The following ENAH variants were observed in gnomAD, a reference collection of about 807,000 sequenced individuals.
The protein encoded by ENAH is protein enabled homolog.
A neutral mutation model predicts 78.7 loss-of-function variants in ENAH; 23 were observed. That is an observed-to-expected ratio of 0.29 (90% CI 0.21 to 0.41). The LOEUF is 0.41. Ranked by LOEUF, ENAH falls within the 10% of genes least tolerant of loss-of-function variation. The probability of loss-of-function intolerance (pLI) is 1.00; values close to 1 mark genes in which losing one functional copy is unlikely to be tolerated. For synonymous variants in ENAH, 226 were observed against 241.0 expected (o/e 0.94, Z 0.58); for missense variants, 544 against 691.0 (o/e 0.79, Z 2.39).
intron 2 of ENAH, among the ~76,000 whole-genome samples, chr1:225,558,208 A>C (rs1182130191): frequency 2.6e-5 from 4 of 152,200 alleles, no homozygotes; most frequent in Non-Finnish European, 5.9e-5. Context: ...ATACCAAAGT[A>C]ATGCTGGACT....
intron 1 of ENAH, among the ~76,000 whole-genome samples, chr1:225,622,345 T>C (rs969034306): frequency 7.2e-5 from 11 of 152,156 alleles, no homozygotes; most frequent in African/African-American, 2.7e-4. Flanking sequence ...TCCAGCACTT[T>C]GGGAGGCTGA....
chr1:225,529,715 G>A (rs957082894), intron 4 of ENAH, among the ~76,000 whole-genome samples: 2 of 152,148 alleles, frequency 1.3e-5, no homozygotes, highest in Non-Finnish European at 2.9e-5. Flanking sequence ...TACTGAAGAC[G>A]GTCAAAGCAG....
At chr1:225,535,929 G>A (rs932751395) in intron 3 of ENAH, among the ~76,000 whole-genome samples, 2 of 152,058 alleles carry the variant, frequency 1.3e-5, no homozygotes, top group African/African-American at 4.8e-5. Context: ...GTGGCTATTA[G>A]TGTTAATTTC....
intron 1 of ENAH, among the ~76,000 whole-genome samples, chr1:225,591,110 ATT>A (rs941013982): frequency 6.6e-6 from 1 of 152,230 alleles, no homozygotes; most frequent in African/African-American, 2.4e-5. Flanking sequence ...TGCTAAGCAT[ATT>A]TTGTGTTATC....
At chr1:225,614,498 T>C (rs1345201063) in intron 1 of ENAH, among the ~76,000 whole-genome samples, 1 of 152,242 alleles carries the variant, frequency 6.6e-6, no homozygotes, top group African/African-American at 2.4e-5. Context: ...GGATGTGTTC[T>C]TGCTCATCCA....
intron 4 of ENAH, among the ~76,000 whole-genome samples, chr1:225,526,980 G>T (rs1315068922): frequency 1.3e-5 from 2 of 152,152 alleles, no homozygotes; most frequent in African/African-American, 4.8e-5. Context: ...AAGGACGAGT[G>T]TCAACATCTC....
rs150322012 is a variant in ENAH at position 225,635,500 on chromosome 1, G to A, written c.5+17186C>T. Among the ~76,000 whole-genome samples the A allele has an allele frequency of 3.4e-3, 516 of 152,218 alleles. 2 individuals carry two copies. Among genetic ancestry groups the A allele is most frequent in the Non-Finnish European group, 5.5e-3 (375 of 68,004 alleles). On this transcript the variant is annotated intron_variant, in intron 1 of 13. Coordinates refer to ENST00000366843, the MANE Select transcript of ENAH (RefSeq NM_018212.6). ...CTTTGCATATATTTATTTTTATTGT[G>A]TACATGCATGTCTCCCTCTGTATCT...
At chr1:225,588,850 A>G (rs1168567113) in intron 1 of ENAH, among the ~76,000 whole-genome samples, 2 of 151,754 alleles carry the variant, frequency 1.3e-5, no homozygotes, top group African/African-American at 2.4e-5. Flanking sequence ...AGTTTCTTAC[A>G]GAATTAAACA....
chr1:225,646,952 G>C (rs115367876), intron 1 of ENAH, among the ~76,000 whole-genome samples: 6,468 of 151,878 alleles, frequency 0.043, 217 homozygotes, highest in South Asian at 0.1. Flanking sequence ...CAGGGCTGGG[G>C]GCGGTGACTC....
Position 225,540,696 on chromosome 1 carries a change from TAA to T in ENAH, c.350-10060_350-10059del, listed in dbSNP as rs34233856. Reference sequence around the variant, plus strand: ...TTTACCAAGTTTTAAAACGTTTATTTAAAAAAAAAAAAAAAACTAAAGAATCT... The same window carrying T: ...TTTACCAAGTTTTAAAACGTTTATTTAAAAAAAAAAAAAACTAAAGAATCT... On this transcript the variant is annotated intron_variant, in intron 3 of 13. Transcript: ENST00000366843. Among the ~76,000 whole-genome samples the T allele has an allele frequency of 1.0e-3, 142 of 139,658 alleles. 1 individual carries two copies. The highest frequency in any genetic ancestry group is 3.6e-3 in the African/African-American group (136 of 37,906). The allele number at this position is 139,658 out of a possible 152,430, so 91.6% of individuals were successfully genotyped here.
chr1:225,492,080 A>C lies in ENAH; in HGVS notation c.*5695T>G, dbSNP rs976756836. 4.4e-5 allele frequency: 5 copies of C among 113,014 alleles called. No individual in the cohort carries two copies. The highest frequency in any genetic ancestry group is 1.7e-4 in the African/African-American group (5 of 29,856). 7.0% of individuals were successfully genotyped at this position (113,014 alleles called of 1,614,324 possible). On this transcript the variant is annotated 3_prime_UTR_variant, in exon 14 of 14. Transcript: ENST00000366843. ...TTTCTATGAAAAGCTATATTCTCTT[A>C]GAATTTTTTTTTTTTTTTTTTAGAG...
intron 1 of ENAH, among the ~76,000 whole-genome samples, chr1:225,586,396 C>A (rs2096847123): frequency 6.6e-6 from 1 of 151,988 alleles, no homozygotes; most frequent in Non-Finnish European, 1.5e-5. Flanking sequence ...CATGGTTTCA[C>A]TAGTGAATTG....
intron 1 of ENAH, among the ~76,000 whole-genome samples, chr1:225,597,386 A>G (rs1290345836): frequency 6.6e-6 from 1 of 152,196 alleles, no homozygotes; most frequent in Non-Finnish European, 1.5e-5. Context: ...AAGGCCAGGC[A>G]TGGTGGCTCA....
At chr1:225,509,207 T>G (rs552235144) in intron 10 of ENAH, among the ~76,000 whole-genome samples, 4 of 151,908 alleles carry the variant, frequency 2.6e-5, no homozygotes, top group Admixed American at 1.3e-4. Flanking sequence ...CAGAAACATA[T>G]CCAAGTGACA....
intron 3 of ENAH, 38 bp from the exon 4 acceptor site, chr1:225,530,676 T>C (rs2096533455): frequency 6.9e-7 from 1 of 1,450,080 alleles, no homozygotes; most frequent in Non-Finnish European, 9.7e-7. Context: ...AACATTATTT[T>C]CATATCTAGC....
chr1:225,524,635 C>T, intron 4 of ENAH: 1 of 985,440 alleles, frequency 1.0e-6, no homozygotes, highest in Non-Finnish European at 1.2e-6. Flanking sequence ...ATCCGGCCTC[C>T]GAAGGCCAAT....
chr1:225,646,664 C>T (rs896155062), intron 1 of ENAH, among the ~76,000 whole-genome samples: 3 of 151,964 alleles, frequency 2.0e-5, no homozygotes, highest in African/African-American at 7.3e-5. Flanking sequence ...TGGCAGGCGC[C>T]TGTGGTCCCA....
chr1:225,609,099 TG>T (rs1558901035), intron 1 of ENAH, among the ~76,000 whole-genome samples: 1 of 151,562 alleles, frequency 6.6e-6, no homozygotes, highest in East Asian at 1.9e-4. Flanking sequence ...AGAATTCCCA[TG>T]AAAATGGTAA....
chr1:225,555,068 C>T lies in ENAH; in HGVS notation c.187G>A (p.Ala63Thr). 1 of 1,543,644 alleles carries T rather than the reference C, an allele frequency of 6.5e-7. No individual in the cohort carries two copies. Among genetic ancestry groups the T allele is most frequent in the South Asian group, 1.2e-5 (1 of 82,584 alleles). Residue 63 changes from alanine to threonine, a missense_variant, in exon 3 of 14, where the codon GCC (alanine) becomes ACC (threonine). Physicochemically the swap from Ala to Thr is moderately conservative, Grantham distance 58 (BLOSUM62 0). Transcript: ENST00000366843. ...TTGTACTTCAACCCTTTAGGAATGG[C>T]ACAGTTTATCACGACCTAAAAAATA... The part of the protein sequence containing the change: ...IQDHQVVINC[A>T]IPKGLKYNQA...
Sources: gnomAD v4.1 joint callset for allele counts (sites outside exome capture counted in the v4.1 genomes callset) on GRCh38, gnomAD v4.1.1 for gene constraint, MANE v1.5 for transcripts, NCBI Gene and HGNC (gene_info 2026-07-23, HGNC 2026-07-21) for gene names.